The following NCOA7 variants were observed in gnomAD, a reference collection of about 807,000 sequenced individuals.
NCOA7 encodes 140 kDa estrogen receptor-associated protein.
Under a neutral mutation model 104.3 loss-of-function variants are expected in NCOA7, and 45 were observed. The ratio of observed to expected loss-of-function variants is 0.43; its 90% confidence interval spans 0.34 to 0.55. The LOEUF (loss-of-function observed/expected upper bound fraction) is 0.55. NCOA7 is among the 20% of genes least tolerant of loss of function. NCOA7 has a pLI of 0.02. For missense variants in NCOA7, 1,041 were observed against 1,119.7 expected, an observed-to-expected ratio of 0.93 and a Z score of 1.00; for synonymous variants, 398 against 402.3, an observed-to-expected ratio of 0.99 and a Z score of 0.13.
At chr6:125,867,367 A>G (rs1382375951) in intron 3 of NCOA7, among the ~76,000 whole-genome samples, 1 of 152,224 alleles carries the variant, frequency 6.6e-6, no homozygotes, top group Non-Finnish European at 1.5e-5. Context: ...TAAACCATAA[A>G]TTGATATTGG....
chr6:125,782,901 T>G (rs977944199), intron 1 of NCOA7, among the ~76,000 whole-genome samples: 1 of 152,192 alleles, frequency 6.6e-6, no homozygotes, highest in Non-Finnish European at 1.5e-5. Context: ...GAGATTATCC[T>G]AGATTACCTG....
At chr6:125,794,397 CAT>C (rs1221561492) in intron 1 of NCOA7, among the ~76,000 whole-genome samples, 1 of 152,172 alleles carries the variant, frequency 6.6e-6, no homozygotes, top group Non-Finnish European at 1.5e-5. Context: ...TTTTAATAAT[CAT>C]ATAAAAATTC....
intron 4 of NCOA7, among the ~76,000 whole-genome samples, chr6:125,876,463 A>C (rs34662953): frequency 6.6e-6 from 1 of 152,202 alleles, no homozygotes. Flanking sequence ...ATTATTAATA[A>C]CAATATTACT....
chr6:125,859,690 C>CAATATATAACAA (rs1353329183), intron 3 of NCOA7, among the ~76,000 whole-genome samples: 3 of 152,134 alleles, frequency 2.0e-5, no homozygotes, highest in African/African-American at 7.2e-5. Context: ...GTTCTATAAG[C>CAATATATAACAA]AATATATAAC....
chr6:125,910,312 T>C (rs987459329), intron 10 of NCOA7, among the ~76,000 whole-genome samples: 2 of 152,228 alleles, frequency 1.3e-5, no homozygotes, highest in African/African-American at 4.8e-5. Context: ...GCCAGCAACC[T>C]ATTAGGAACC....
intron 2 of NCOA7, among the ~76,000 whole-genome samples, chr6:125,831,749 G>T (rs2128592678): frequency 6.6e-6 from 1 of 152,236 alleles, no homozygotes; most frequent in African/African-American, 2.4e-5. Context: ...TGCCTCTTCA[G>T]CCTCTCAACA....
At chr6:125,812,199 G>A (rs1046625319) in intron 1 of NCOA7, among the ~76,000 whole-genome samples, 3 of 152,168 alleles carry the variant, frequency 2.0e-5, no homozygotes, top group Non-Finnish European at 4.4e-5. Flanking sequence ...TTGCCTGAGT[G>A]TGCCTAGCCC....
chr6:125,927,663 A>AT lies in NCOA7; in HGVS notation c.2529dup (p.Gly844TrpfsTer12). 1 of 1,613,308 alleles carries AT rather than the reference A, an allele frequency of 6.2e-7. No individual in the cohort carries two copies. The highest frequency in any genetic ancestry group is 8.5e-7 in the Non-Finnish European group (1 of 1,179,270). On this transcript the variant is annotated frameshift_variant and splice_region_variant, in exon 14 of 16. Coordinates refer to ENST00000392477, the MANE Select transcript of NCOA7 (RefSeq NM_181782.5). LOFTEE classifies it high-confidence loss of function. ...TAACATTTCTGTTTTCTTTTGACAG[A>AT]TTTTTGGAGCATATGCAACTCATCC... is the stretch of plus-strand genomic sequence containing the variant.
At chr6:125,872,608 G>T (rs1019523207) in intron 3 of NCOA7, among the ~76,000 whole-genome samples, 1 of 152,142 alleles carries the variant, frequency 6.6e-6, no homozygotes, top group Admixed American at 6.5e-5. Context: ...TTAGCCTGGG[G>T]TATTCATCTA....
At chr6:125,828,320 T>A (rs758607319) in intron 2 of NCOA7, among the ~76,000 whole-genome samples, 1 of 152,198 alleles carries the variant, frequency 6.6e-6, no homozygotes, top group Non-Finnish European at 1.5e-5. Context: ...TAAATTAAGA[T>A]GAGGACTGCA....
intron 2 of NCOA7, chr6:125,818,866 G>A (rs549548013): frequency 6.6e-6 from 1 of 152,518 alleles, no homozygotes; most frequent in East Asian, 1.9e-4. Flanking sequence ...CGTACTTAAG[G>A]GCAGTCCAAG....
intron 1 of NCOA7, among the ~76,000 whole-genome samples, chr6:125,812,400 T>C (rs1777109267): frequency 6.6e-6 from 1 of 152,216 alleles, no homozygotes; most frequent in Admixed American, 6.5e-5. Context: ...AGTTTAGTTA[T>C]CTGCACAGTC....
intron 10 of NCOA7, chr6:125,900,099 G>A (rs1421813941): frequency 3.9e-6 from 2 of 519,102 alleles, no homozygotes; most frequent in Non-Finnish European, 8.0e-6. Context: ...GGAAGCATGA[G>A]GCCAGGGTTA....
chr6:125,928,096 A>T, intron 14 of NCOA7, 78 bp from the exon 15 acceptor site: 1 of 1,323,258 alleles, frequency 7.6e-7, no homozygotes, highest in Non-Finnish European at 1.1e-6. Flanking sequence ...TTTTACATAT[A>T]GATACTATTT....
At chr6:125,899,279 G>C (rs1428735254) in intron 10 of NCOA7, among the ~76,000 whole-genome samples, 1 of 152,172 alleles carries the variant, frequency 6.6e-6, no homozygotes, top group African/African-American at 2.4e-5. Flanking sequence ...AACTGACCTA[G>C]TTTTCTAGCA....
intron 1 of NCOA7, among the ~76,000 whole-genome samples, chr6:125,805,087 CTTTTTTTTTTTT>C (rs59737297): frequency 1.9e-4 from 11 of 58,040 alleles, no homozygotes; most frequent in East Asian, 5.6e-4. Flanking sequence ...CCCTCTTGTT[CTTTTTTTTTTTT>C]TTTTTTTTTT....
chr6:125,841,178 C>T (rs905853397), intron 2 of NCOA7, among the ~76,000 whole-genome samples: 3 of 150,762 alleles, frequency 2.0e-5, no homozygotes, highest in Non-Finnish European at 2.9e-5. Flanking sequence ...GTGTGAGCCA[C>T]CGCGCCTGGC....
At chr6:125,920,822 T>C (rs1251415984) in intron 11 of NCOA7, 121 bp from the exon 12 acceptor site, 5 of 1,302,388 alleles carry the variant, frequency 3.8e-6, no homozygotes, top group Non-Finnish European at 5.2e-6. Flanking sequence ...CCTGTTCAGT[T>C]GATTTCCTGC....
chr6:125,928,072 G>C (rs1788192429), intron 14 of NCOA7, 102 bp from the exon 15 acceptor site: 1 of 1,084,220 alleles, frequency 9.2e-7, no homozygotes, highest in Non-Finnish European at 1.4e-6. Flanking sequence ...CGTCAATGGG[G>C]TGAGGTGGTT....
Sources: allele counts gnomAD v4.1 joint callset (sites outside exome capture counted in the v4.1 genomes callset), GRCh38; gene constraint gnomAD v4.1.1; transcripts MANE v1.5; gene names NCBI Gene and HGNC (gene_info 2026-07-23, HGNC 2026-07-21).